Variants in TAX1BP1 observed in about 807,000 individuals in gnomAD.
The protein encoded by TAX1BP1 is tax1-binding protein 1.
TAX1BP1 carries 62 observed loss-of-function variants against 97.7 expected under a neutral mutation model. The ratio of observed to expected loss-of-function variants is 0.63; its 90% CI spans 0.52 to 0.78. TAX1BP1 has a LOEUF of 0.78. Among genes scored for constraint, TAX1BP1 ranks in the 30% least tolerant of loss-of-function variants. The pLI is 0.00. For synonymous variants in TAX1BP1, 340 were observed against 304.2 expected (o/e 1.12, Z -1.23); for missense variants, 867 against 916.1 (o/e 0.95, Z 0.69).
At chr7:27,788,055 A>T (rs367623124) in intron 8 of TAX1BP1, among the ~76,000 whole-genome samples, 2 of 151,856 alleles carry the variant, frequency 1.3e-5, no homozygotes, top group Non-Finnish European at 2.9e-5. Context: ...TATTATTTTG[A>T]TTGTTGTATT....
chr7:27,778,956 A>G (rs1027537903), intron 5 of TAX1BP1, among the ~76,000 whole-genome samples: 18 of 151,864 alleles, frequency 1.2e-4, no homozygotes, highest in African/African-American at 4.4e-4. Flanking sequence ...GTTTTTTATC[A>G]TCCTGCAAAG....
intron 12 of TAX1BP1, among the ~76,000 whole-genome samples, chr7:27,798,632 C>G (rs901551840): frequency 1.3e-5 from 2 of 148,728 alleles, no homozygotes; most frequent in Non-Finnish European, 3.0e-5. Flanking sequence ...CCACTGCACT[C>G]CAGCCTGGGT....
intron 1 of TAX1BP1, among the ~76,000 whole-genome samples, chr7:27,741,563 C>T (rs1459456081): frequency 6.7e-6 from 1 of 150,148 alleles, no homozygotes; most frequent in Non-Finnish European, 1.5e-5. Context: ...TGCAGTGGCG[C>T]GATCGCGGCT....
At chr7:27,791,616 A>G (rs1472949290) in intron 8 of TAX1BP1, among the ~76,000 whole-genome samples, 1 of 152,188 alleles carries the variant, frequency 6.6e-6, no homozygotes, top group Admixed American at 6.5e-5. Context: ...TTTTGGTGTT[A>G]CAAAGAAGCT....
intron 15 of TAX1BP1, among the ~76,000 whole-genome samples, chr7:27,827,424 A>T (rs531582561): frequency 1.3e-5 from 2 of 152,020 alleles, no homozygotes; most frequent in African/African-American, 4.8e-5. Context: ...TTACCTACGT[A>T]TATAGGTTTG....
chr7:27,820,968 A>G (rs757944845), intron 15 of TAX1BP1, among the ~76,000 whole-genome samples: 189 of 152,344 alleles, frequency 1.2e-3, no homozygotes, highest in Non-Finnish European at 1.9e-3. Flanking sequence ...CTGAAAATCC[A>G]AAGTCCACAG....
intron 13 of TAX1BP1, chr7:27,803,222 C>A: frequency 6.9e-7 from 1 of 1,447,222 alleles, no homozygotes; most frequent in Non-Finnish European, 9.2e-7. Context: ...TCACATGAAA[C>A]TGAATAATAA....
At chr7:27,777,085 T>A (rs1472092900) in intron 5 of TAX1BP1, among the ~76,000 whole-genome samples, 4 of 152,190 alleles carry the variant, frequency 2.6e-5, no homozygotes, top group Non-Finnish European at 5.9e-5. Context: ...TGTTTAAATG[T>A]CCGTTCATTA....
At chr7:27,741,354 C>A (rs143167469) in intron 1 of TAX1BP1, among the ~76,000 whole-genome samples, 212 of 152,274 alleles carry the variant, frequency 1.4e-3, no homozygotes, top group African/African-American at 4.7e-3. Flanking sequence ...CTTAGGACAG[C>A]CTTTCTCTTT....
intron 3 of TAX1BP1, among the ~76,000 whole-genome samples, chr7:27,762,174 T>C (rs773229958): frequency 4.6e-5 from 7 of 152,330 alleles, no homozygotes; most frequent in Middle Eastern, 3.4e-3. Context: ...ATAAAACTTG[T>C]GGTGAAATAT....
At chr7:27,756,116 A>G (rs1258017223) in intron 2 of TAX1BP1, among the ~76,000 whole-genome samples, 1 of 152,120 alleles carries the variant, frequency 6.6e-6, no homozygotes, top group African/African-American at 2.4e-5. Context: ...TGACCCTTCT[A>G]ATTAGATTTA....
At chr7:27,812,067 C>T (rs781269357) in intron 13 of TAX1BP1, among the ~76,000 whole-genome samples, 13 of 152,084 alleles carry the variant, frequency 8.5e-5, no homozygotes, top group Non-Finnish European at 1.5e-4. Context: ...ATGAAACGGC[C>T]GAATTGTTTT....
In TAX1BP1 at chr7:27,824,920, A is replaced by C. The variant is rs142218165; in HGVS notation, c.2086-2818A>C. Among the ~76,000 whole-genome samples the C allele has an allele frequency of 9.0e-3, 1,370 of 152,332 alleles. 16 individuals are homozygous for C. The highest frequency in any genetic ancestry group is 0.013 in the Non-Finnish European group (858 of 68,028). On this transcript the variant is annotated intron_variant, in intron 15 of 16. Transcript: ENST00000396319. ...AATTTGCTTACAAGATTATTTTAGT[A>C]GTTTAGCTAAAATACTAGGTGGTGA...
rs760282895 is a variant in TAX1BP1 at position 27,793,056 on chromosome 7, T to C, written c.1264-10T>C. Reference sequence around the variant, plus strand: ...TTTATTTTTTTCTTCAAATGTTTGTTTCTTTCTAGGACAAGACTGATACAC... The same window carrying C: ...TTTATTTTTTTCTTCAAATGTTTGTCTCTTTCTAGGACAAGACTGATACAC... On this transcript the variant is annotated splice_polypyrimidine_tract_variant and intron_variant, in intron 9 of 16. Transcript: ENST00000396319. 2 of 1,574,778 alleles carry C rather than the reference T, an allele frequency of 1.3e-6. No homozygotes were observed. Among genetic ancestry groups the C allele is most frequent in the Admixed American group, 4.3e-5 (2 of 46,080 alleles).
chr7:27,803,692 AG>A (rs1790228480), intron 13 of TAX1BP1, among the ~76,000 whole-genome samples: 1 of 152,226 alleles, frequency 6.6e-6, no homozygotes, highest in African/African-American at 2.4e-5. Flanking sequence ...AGAAAAAAAA[AG>A]CCAGTTGCAC....
At chr7:27,756,369 A>G (rs1377702866) in intron 2 of TAX1BP1, among the ~76,000 whole-genome samples, 2 of 152,150 alleles carry the variant, frequency 1.3e-5, no homozygotes. Flanking sequence ...TTCCTTACTC[A>G]AAAGCAATTT....
Position 27,779,431 on chromosome 7 carries a change from C to T in TAX1BP1, c.613-5732C>T, listed in dbSNP as rs535362037. Among the ~76,000 whole-genome samples, 3 of 152,304 alleles carry T rather than the reference C, an allele frequency of 2.0e-5. No homozygotes were observed. The South Asian group carries it at 6.2e-4, about 32-fold the overall frequency. ...GGATTAAGTGTACTCAGTATCATAGCAGTGTTTGAACTAGCTTTGTAATTT... is the reference window on the plus strand; with the variant it reads ...GGATTAAGTGTACTCAGTATCATAGTAGTGTTTGAACTAGCTTTGTAATTT... On this transcript the variant is annotated intron_variant, in intron 5 of 16. Transcript: ENST00000396319.
intron 16 of TAX1BP1, among the ~76,000 whole-genome samples, chr7:27,828,383 T>G (rs1042041448): frequency 5.3e-5 from 8 of 152,204 alleles, no homozygotes; most frequent in African/African-American, 1.4e-4. Context: ...TGGGAGGTTT[T>G]AAGGGGGAAA....
intron 15 of TAX1BP1, among the ~76,000 whole-genome samples, chr7:27,824,733 A>G: frequency 6.6e-6 from 1 of 152,260 alleles, no homozygotes; most frequent in East Asian, 1.9e-4. Flanking sequence ...CCAGTTTGTA[A>G]TGGAAAGAGT....
Sources: gnomAD v4.1 joint callset for allele counts (sites outside exome capture counted in the v4.1 genomes callset) on GRCh38, gnomAD v4.1.1 for gene constraint, MANE v1.5 for transcripts, NCBI Gene and HGNC (gene_info 2026-07-23, HGNC 2026-07-21) for gene names.